MTRR: variants seen among roughly 807,000 people sequenced by gnomAD.
MTRR encodes the protein 5-methyltetrahydrofolate-homocysteine methyltransferase reductase.
Under a neutral mutation model 79.2 loss-of-function variants are expected in MTRR, and 63 were observed. The observed-to-expected ratio is 0.80, with a 90% confidence interval of 0.65 to 0.98. The LOEUF is 0.98. MTRR is among the 50% of genes least tolerant of loss of function. MTRR has a pLI of 0.00. For synonymous variants in MTRR, 355 were observed against 313.3 expected (o/e 1.13, Z -1.41); for missense variants, 895 against 839.6 (o/e 1.07, Z -0.82).
At chr5:7,870,536 C>G (rs111592503) in intron 1 of MTRR, 166 of 490,708 alleles carry the variant, frequency 3.4e-4, no homozygotes, top group African/African-American at 3.0e-3. Flanking sequence ...AGTTTCGAGC[C>G]GATCATCTGA....
At chr5:7,861,351 G>T in intron 1 of MTRR, 1 of 741,964 alleles carries the variant, frequency 1.3e-6, no homozygotes, top group Non-Finnish European at 2.0e-6. Flanking sequence ...GTTTATTTGG[G>T]ATTTGGCTAT....
chr5:7,896,555 C>A (rs755291724), intron 12 of MTRR: 2 of 413,594 alleles, frequency 4.8e-6, no homozygotes, highest in Non-Finnish European at 8.9e-6. Context: ...TTCATTTATT[C>A]ATAAAATTGC....
At chr5:7,890,233 G>A (rs1223143412) in intron 9 of MTRR, 2 of 984,508 alleles carry the variant, frequency 2.0e-6, no homozygotes, top group African/African-American at 3.5e-5. Flanking sequence ...TTGCAAGTCA[G>A]GGCCTGATTT....
At chr5:7,877,568 C>T (rs1035577606) in intron 4 of MTRR, among the ~76,000 whole-genome samples, 3 of 150,468 alleles carry the variant, frequency 2.0e-5, no homozygotes, top group African/African-American at 4.9e-5. Context: ...TTATGGTAGC[C>T]TTGGATTTTG....
intron 2 of MTRR, chr5:7,872,397 T>C (rs191124803): frequency 1.1e-4 from 36 of 319,268 alleles, no homozygotes; most frequent in African/African-American, 7.4e-4. Flanking sequence ...TAGCTCAGCT[T>C]ATAGCTAATG....
chr5:7,890,104 G>A (rs1579766635), intron 9 of MTRR, among the ~76,000 whole-genome samples: 1 of 152,304 alleles, frequency 6.6e-6, no homozygotes, highest in East Asian at 1.9e-4. Context: ...ATAGTGGTAA[G>A]TAGTTATGCC....
intron 5 of MTRR, among the ~76,000 whole-genome samples, chr5:7,881,383 T>C (rs1472984698): frequency 6.6e-6 from 1 of 151,750 alleles, no homozygotes; most frequent in African/African-American, 2.4e-5. Context: ...GGTGTGGTAG[T>C]GGGGGTACAG....
rs568581160 is a variant in MTRR, at chr5:7,879,857, A to G, written c.780+1535A>G. Among the ~76,000 whole-genome samples, 7 of 152,308 alleles carry G rather than the reference A, an allele frequency of 4.6e-5. No individual in the cohort carries two copies. In the South Asian group the frequency reaches 1.5e-3, roughly 32 times the overall value. On this transcript the variant is annotated intron_variant, in intron 5 of 14. Coordinates refer to ENST00000440940, the MANE Select transcript of MTRR (RefSeq NM_002454.3). The stretch of plus-strand genomic sequence containing the variant: ...AGAGCGGCAGGACCTGTTAACGAGC[A>G]CTGTCACTTGGATCTGCTGTAGAGC...
rs1166216416 is a variant in MTRR, at chr5:7,893,072, T to G, written c.1557+159T>G. Reference sequence around the variant, plus strand: ...TCTATTGCAAGAGCAGAAAACTGTTTACTTCCATGTACTCTTTAACTAGTG... The same window carrying G: ...TCTATTGCAAGAGCAGAAAACTGTTGACTTCCATGTACTCTTTAACTAGTG... On this transcript the variant is annotated intron_variant, in intron 11 of 14. Coordinates refer to ENST00000440940, the MANE Select transcript of MTRR (RefSeq NM_002454.3). The G allele has an allele frequency of 5.2e-6, 4 of 766,062 alleles. No homozygotes were observed. In the African/African-American group the frequency reaches 5.3e-5, roughly 10 times the overall value. 47.5% of individuals were successfully genotyped at this position (766,062 alleles called of 1,614,324 possible). A position where few individuals can be genotyped will look rare whatever the true frequency, so the allele number is the denominator to read the frequency against.
rs1737177077 is a variant in MTRR, at chr5:7,889,399, T to A, written c.1327+124T>A. On this transcript the variant is annotated intron_variant, in intron 9 of 14. Transcript: ENST00000440940. ...CTTTGTATCCTATGCCTAAAGAATA[T>A]ATCTAAATGAATGGTGGTGATTGGT... 6.0e-6 allele frequency: 6 copies of A among 993,154 alleles called. No homozygotes were observed. In the South Asian group the frequency reaches 8.3e-5, roughly 14 times the overall value. 61.5% of individuals were successfully genotyped at this position (993,154 alleles called of 1,614,324 possible).
chr5:7,895,706 A>G (rs1483868435), intron 11 of MTRR, 28 bp from the exon 12 acceptor site: 5 of 1,613,556 alleles, frequency 3.1e-6, no homozygotes, highest in Non-Finnish European at 3.4e-6. Context: ...TTTCTTTCAT[A>G]CTTACCACAT....
At chr5:7,883,081 C>T (rs1735835108) in intron 5 of MTRR, 74 bp from the exon 6 acceptor site, 1 of 1,602,656 alleles carries the variant, frequency 6.2e-7, no homozygotes, top group East Asian at 2.2e-5. Context: ...CCCTGTGGAT[C>T]TTGCGTAGTC....
At chr5:7,886,955 C>G (rs1736583518) in intron 8 of MTRR, among the ~76,000 whole-genome samples, 1 of 152,164 alleles carries the variant, frequency 6.6e-6, no homozygotes, top group Non-Finnish European at 1.5e-5. Context: ...TTTTCTTAGT[C>G]TAAATAGGGC....
At chr5:7,884,344 A>G (rs140044107) in intron 6 of MTRR, among the ~76,000 whole-genome samples, 2,516 of 152,222 alleles carry the variant, frequency 0.017, 33 homozygotes, top group Non-Finnish European at 0.025. Context: ...CAGATACCCA[A>G]ATCCTCAAAG....
At position 7,900,775 on chromosome 5, in the gene MTRR, C is replaced by A. The variant is rs536933470; in HGVS notation, c.*717C>A. The stretch of plus-strand genomic sequence containing the variant: ...TGCATTCAATTTACAGGTACCAGTA[C>A]GTACATATTTTAATAGAAAGATACA... On this transcript the variant is annotated 3_prime_UTR_variant, in exon 15 of 15. Transcript: ENST00000440940. 9.8e-5 allele frequency: 15 copies of A among 152,598 alleles called. No individual in the cohort carries two copies. Among genetic ancestry groups the A allele is most frequent in the Admixed American group, 8.5e-4 (13 of 15,290 alleles). The allele number at this position is 152,598 out of a possible 1,614,324, so 9.5% of individuals were successfully genotyped here. A position where few individuals can be genotyped will look rare whatever the true frequency, so the allele number is the denominator to read the frequency against.
chr5:7,863,822 G>C (rs1746728139), intron 2 of MTRR, among the ~76,000 whole-genome samples: 1 of 152,074 alleles, frequency 6.6e-6, no homozygotes, highest in Non-Finnish European at 1.5e-5. Context: ...AAATGGCTGA[G>C]AGTACTTTTT....
chr5:7,867,569 T>C (rs1483567371), upstream of MTRR: 5 of 1,614,162 alleles, frequency 3.1e-6, no homozygotes, highest in African/African-American at 4.0e-5. Context: ...GTTTGACAGC[T>C]GTGAGGGCTC....
At chr5:7,861,539 C>A in intron 1 of MTRR, 1 of 1,380,044 alleles carries the variant, frequency 7.2e-7, no homozygotes, top group Non-Finnish European at 9.6e-7. Flanking sequence ...GCTTATTAGC[C>A]TCAACGAGTC....
chr5:7,890,541 T>C (rs1019696956), intron 9 of MTRR: 1 of 417,652 alleles, frequency 2.4e-6, no homozygotes, highest in Non-Finnish European at 3.2e-6. Flanking sequence ...TACGTAGTTA[T>C]ATAAAAAAAT....
Sources: gnomAD v4.1 joint callset for allele counts (sites outside exome capture counted in the v4.1 genomes callset) on GRCh38, gnomAD v4.1.1 for gene constraint, MANE v1.5 for transcripts, NCBI Gene and HGNC (gene_info 2026-07-23, HGNC 2026-07-21) for gene names.